GTF2H1: variants seen among roughly 807,000 people sequenced by gnomAD.
GTF2H1 encodes BTF2 p62.
Under a neutral mutation model 71.2 loss-of-function variants are expected in GTF2H1, and 16 were observed. The observed-to-expected ratio is 0.22, with a 90% CI of 0.15 to 0.34. The LOEUF (loss-of-function observed/expected upper bound fraction) is 0.34, where lower values mean the gene tolerates loss of function less well. GTF2H1 is among the 10% of genes least tolerant of loss of function. GTF2H1 has a pLI of 1.00. For synonymous variants in GTF2H1, 215 were observed against 219.0 expected (o/e 0.98, Z 0.16); for missense variants, 498 against 648.2 (o/e 0.77, Z 2.52).
intron 9 of GTF2H1, among the ~76,000 whole-genome samples, chr11:18,350,076 GGGC>G (rs1865391329): frequency 3.9e-5 from 6 of 152,134 alleles, no homozygotes; most frequent in Non-Finnish European, 8.8e-5. Context: ...TGTAAGTCAG[GGGC>G]TATCAGTATT....
chr11:18,358,144 C>A, intron 12 of GTF2H1, 102 bp downstream of exon 12: 1 of 734,228 alleles, frequency 1.4e-6, no homozygotes, highest in Non-Finnish European at 2.4e-6. Context: ...TGGAATAATC[C>A]TGGGATTTCT....
At chr11:18,364,583 C>A (rs1364344857) in intron 14 of GTF2H1, among the ~76,000 whole-genome samples, 1 of 151,796 alleles carries the variant, frequency 6.6e-6, no homozygotes, top group Admixed American at 6.6e-5. Context: ...CGTAGTGAGA[C>A]CATGTCTCAA....
intron 3 of GTF2H1, among the ~76,000 whole-genome samples, chr11:18,337,158 A>G (rs1285529121): frequency 6.6e-6 from 1 of 152,176 alleles, no homozygotes; most frequent in Non-Finnish European, 1.5e-5. Context: ...GCGGGGCATA[A>G]TGGCTCATGC....
At chr11:18,337,676 A>G (rs1320072438) in intron 3 of GTF2H1, among the ~76,000 whole-genome samples, 1 of 150,588 alleles carries the variant, frequency 6.6e-6, no homozygotes, top group Non-Finnish European at 1.5e-5. Flanking sequence ...GATATTACAA[A>G]TAGTTATTAT....
At chr11:18,327,287 A>T (rs984820141) in intron 1 of GTF2H1, among the ~76,000 whole-genome samples, 24 of 148,980 alleles carry the variant, frequency 1.6e-4, no homozygotes, top group African/African-American at 5.6e-4. Flanking sequence ...TAATTATTAT[A>T]GATCAGAAAA....
intron 4 of GTF2H1, among the ~76,000 whole-genome samples, chr11:18,339,323 A>G (rs1480170650): frequency 6.6e-6 from 1 of 152,214 alleles, no homozygotes; most frequent in African/African-American, 2.4e-5. Context: ...ATACTTAAAC[A>G]TGCCTATTTG....
chr11:18,350,232 G>A (rs1865393732), intron 9 of GTF2H1, among the ~76,000 whole-genome samples: 1 of 152,156 alleles, frequency 6.6e-6, no homozygotes, highest in Non-Finnish European at 1.5e-5. Context: ...CTACCTTGAT[G>A]GAGCTTTCAT....
At chr11:18,352,555 CAT>C (rs1454866796) in intron 11 of GTF2H1, 109 bp downstream of exon 11, 5 of 542,372 alleles carry the variant, frequency 9.2e-6, no homozygotes, top group South Asian at 3.1e-5. Context: ...GGCTTAAAGA[CAT>C]AGTTCTGCTA....
Position 18,347,634 on chromosome 11 carries a change from T to C in GTF2H1, c.884T>C (p.Ile295Thr). 2 of 1,610,840 alleles carry C rather than the reference T, an allele frequency of 1.2e-6. No homozygotes were observed. Among genetic ancestry groups the C allele is most frequent in the Non-Finnish European group, 1.7e-6 (2 of 1,177,042 alleles). The change falls in exon 8 of 15, where the codon ATA becomes ACA. Residue 295 changes from isoleucine (I) to threonine (T), a missense_variant. Around this residue, in one of 3 missense-constraint regions of GTF2H1, gnomAD observed 16 missense variants for 40.5 expected, o/e 0.40. Coordinates refer to ENST00000265963, the MANE Select transcript of GTF2H1 (RefSeq NM_005316.4). ...SVPSASNSKS[I>T]KENSNAAIIK... is the part of the protein sequence containing the mutation. ...CCATCTGCTTCCAATTCTAAATCCA[T>C]AAAAGAGAATAGTAATGCTGCCATC...
At chr11:18,334,378 A>G (rs1864975230) in intron 2 of GTF2H1, among the ~76,000 whole-genome samples, 1 of 152,222 alleles carries the variant, frequency 6.6e-6, no homozygotes, top group South Asian at 2.1e-4. Flanking sequence ...CTTCTCAAAA[A>G]AAGACATATA....
chr11:18,360,730 G>A, intron 14 of GTF2H1, 23 bp downstream of exon 14: 4 of 1,218,284 alleles, frequency 3.3e-6, no homozygotes, highest in Non-Finnish European at 3.5e-6. Flanking sequence ...TCTGATTTTT[G>A]CCTGATCTTC....
chr11:18,358,076 C>T (rs1434016645), intron 12 of GTF2H1, 34 bp downstream of exon 12: 1 of 1,482,228 alleles, frequency 6.7e-7, no homozygotes, highest in Non-Finnish European at 9.4e-7. Context: ...TACTTTCTGC[C>T]TAAATCAGCT....
At chr11:18,362,822 C>A (rs1202520827) in intron 14 of GTF2H1, among the ~76,000 whole-genome samples, 1 of 151,692 alleles carries the variant, frequency 6.6e-6, no homozygotes, top group African/African-American at 2.4e-5. Flanking sequence ...AGGCACCCAC[C>A]ACCACGCCCA....
chr11:18,331,052 T>G (rs943994667), intron 1 of GTF2H1, among the ~76,000 whole-genome samples: 3 of 152,130 alleles, frequency 2.0e-5, no homozygotes, highest in Non-Finnish European at 2.9e-5. Context: ...CAGTGGTTTG[T>G]TTTGTTTTGT....
intron 1 of GTF2H1, 121 bp downstream of exon 1, chr11:18,322,861 T>G (rs991457995): frequency 6.6e-6 from 1 of 152,240 alleles, no homozygotes; most frequent in Non-Finnish European, 1.5e-5. Flanking sequence ...GTCGCCGTCC[T>G]CCCAACGCCC....
chr11:18,329,238 G>A (rs998488914), intron 1 of GTF2H1, among the ~76,000 whole-genome samples: 3 of 152,106 alleles, frequency 2.0e-5, no homozygotes, highest in South Asian at 4.1e-4. Context: ...TTATTCCAGC[G>A]TTTGCAAATG....
chr11:18,346,874 G>A (rs1021112592), intron 7 of GTF2H1, among the ~76,000 whole-genome samples: 3 of 149,348 alleles, frequency 2.0e-5, no homozygotes, highest in African/African-American at 7.4e-5. Flanking sequence ...CCAACAGCTG[G>A]GATTACAGGT....
chr11:18,357,893 A>G (rs1201521854), intron 11 of GTF2H1, 59 bp from the exon 12 acceptor site: 15 of 930,318 alleles, frequency 1.6e-5, no homozygotes, highest in South Asian at 4.2e-5. Flanking sequence ...TAAGAAAGAG[A>G]GGTGGCAAAA....
At position 18,365,907 on chromosome 11, in the gene GTF2H1, G is replaced by T. The variant is rs377535533; in HGVS notation, c.*38G>T. 1.4e-6 allele frequency: 2 copies of T among 1,432,884 alleles called. No homozygotes were observed. Among genetic ancestry groups the T allele is most frequent in the Non-Finnish European group, 2.0e-6 (2 of 1,017,338 alleles). 88.8% of individuals were successfully genotyped at this position (1,432,884 alleles called of 1,614,324 possible). On this transcript the variant is annotated 3_prime_UTR_variant, in exon 15 of 15. Coordinates refer to ENST00000265963, the MANE Select transcript of GTF2H1 (RefSeq NM_005316.4). ...GCTTACAGGTTTTGTGAGATTGAGA[G>T]AACTATGACCTGCAGCAACTCTGGA...
Sources: gnomAD v4.1 joint callset for allele counts (sites outside exome capture counted in the v4.1 genomes callset) on GRCh38, gnomAD v4.1.1 for gene constraint, gnomAD v4.1.1 regional missense constraint, MANE v1.5 for transcripts, NCBI Gene and HGNC (gene_info 2026-07-23, HGNC 2026-07-21) for gene names.